The following BANP variants were observed in gnomAD, a reference collection of about 807,000 sequenced individuals.
BANP encodes the protein protein BANP.
BANP carries 11 observed loss-of-function variants against 68.1 expected under a neutral mutation model. The observed-to-expected ratio is 0.16, with a 90% CI of 0.10 to 0.27. BANP has a LOEUF of 0.27. BANP is among the 10% of genes least tolerant of loss of function. BANP has a pLI of 1.00. For missense variants in BANP, 504 were observed against 722.7 expected, an observed-to-expected ratio of 0.70 and a Z score of 3.47; for synonymous variants, 329 against 303.2, an observed-to-expected ratio of 1.09 and a Z score of -0.88.
chr16:88,012,577 C>T (rs115874304), intron 6 of BANP, among the ~76,000 whole-genome samples: 190 of 152,276 alleles, frequency 1.2e-3, no homozygotes, highest in African/African-American at 4.3e-3. Context: ...ATCTGGCATT[C>T]GTCACCTCTG....
chr16:88,040,075 C>T (rs959478430), intron 11 of BANP, among the ~76,000 whole-genome samples: 2 of 152,172 alleles, frequency 1.3e-5, no homozygotes, highest in Non-Finnish European at 2.9e-5. Context: ...AAATCAAAGA[C>T]GGCTTCAGGA....
intron 6 of BANP, among the ~76,000 whole-genome samples, chr16:88,017,994 TTGG>T (rs1263119773): frequency 6.6e-6 from 1 of 151,972 alleles, no homozygotes; most frequent in African/African-American, 2.4e-5. Flanking sequence ...TGCGTCTTTC[TTGG>T]TGGGAGTGGC....
chr16:88,037,351 C>T (rs1165230200), intron 10 of BANP: 1 of 152,418 alleles, frequency 6.6e-6, no homozygotes. Flanking sequence ...CTAACGATGG[C>T]TTTGTGATGA....
intron 4 of BANP, among the ~76,000 whole-genome samples, chr16:87,987,032 T>C (rs1424637368): frequency 6.6e-6 from 1 of 152,248 alleles, no homozygotes; most frequent in African/African-American, 2.4e-5. Flanking sequence ...GTATATTCTA[T>C]TTAAAATCCT....
chr16:87,951,687 C>G (rs1461386244), intron 1 of BANP, among the ~76,000 whole-genome samples, 172 bp downstream of exon 1: 1 of 149,006 alleles, frequency 6.7e-6, no homozygotes, highest in African/African-American at 2.4e-5. Flanking sequence ...GCCCCGCTCC[C>G]CGTCCCCGGC....
chr16:87,958,739 C>G (rs1194211175), intron 1 of BANP, among the ~76,000 whole-genome samples: 1 of 152,212 alleles, frequency 6.6e-6, no homozygotes, highest in Non-Finnish European at 1.5e-5. Context: ...CGTTAAGCCG[C>G]TTGCTTAGGG....
Position 87,989,847 on chromosome 16 carries a change from G to A in BANP, c.362+5588G>A, listed in dbSNP as rs142056820. On this transcript the variant is annotated intron_variant, in intron 4 of 13. Coordinates refer to ENST00000682872, the MANE Select transcript of BANP (RefSeq NM_001386991.1). Reference sequence around the variant, plus strand: ...GGCGGGTGATGGGGGATGCAGGCCCGCGTGGCTGCGTGCATCCAGGACACA... The same window carrying A: ...GGCGGGTGATGGGGGATGCAGGCCCACGTGGCTGCGTGCATCCAGGACACA... Among the ~76,000 whole-genome samples the A allele has an allele frequency of 2.2e-4, 25 of 113,518 alleles. 1 individual carries two copies. In the East Asian group the frequency reaches 8.6e-3, roughly 39 times the overall value. 74.5% of individuals were successfully genotyped at this position (113,518 alleles called of 152,430 possible). A position where few individuals can be genotyped will look rare whatever the true frequency, so the allele number is the denominator to read the frequency against.
At chr16:87,975,218 A>G (rs1185175311) in intron 2 of BANP, 33 bp downstream of exon 2, 1 of 1,606,930 alleles carries the variant, frequency 6.2e-7, no homozygotes, top group Admixed American at 1.7e-5. Context: ...GTGAAATATT[A>G]TTCTCTTTAT....
chr16:87,996,758 A>G (rs1045372843), intron 4 of BANP, among the ~76,000 whole-genome samples: 1 of 152,202 alleles, frequency 6.6e-6, no homozygotes, highest in East Asian at 1.9e-4. Context: ...CGTTGTCTGC[A>G]CTGAACCATT....
chr16:87,977,381 T>C (rs1482554421), intron 2 of BANP, among the ~76,000 whole-genome samples: 13 of 150,482 alleles, frequency 8.6e-5, no homozygotes, highest in Admixed American at 2.0e-4. Flanking sequence ...ATCGCGCCAC[T>C]GCACTCCAGG....
At chr16:87,981,718 C>T (rs916236427) in intron 3 of BANP, among the ~76,000 whole-genome samples, 15 of 152,230 alleles carry the variant, frequency 9.9e-5, no homozygotes, top group African/African-American at 3.4e-4. Context: ...GGCATCTTCC[C>T]ACACACCTGC....
At chr16:88,035,177 C>G in intron 9 of BANP, 146 bp from the exon 10 acceptor site, 3 of 770,568 alleles carry the variant, frequency 3.9e-6, no homozygotes, top group Non-Finnish European at 4.3e-6. Context: ...AAAGAAGTGA[C>G]CACAGACTAT....
intron 1 of BANP, among the ~76,000 whole-genome samples, chr16:87,969,402 C>G (rs902911193): frequency 6.6e-6 from 1 of 152,126 alleles, no homozygotes; most frequent in Non-Finnish European, 1.5e-5. Context: ...ACACCCCCAG[C>G]AAAAGCGCAA....
At chr16:88,015,899 T>A (rs7501293) in intron 6 of BANP, among the ~76,000 whole-genome samples, 142,459 of 152,318 alleles carry the variant, frequency 0.94, 67,378 homozygotes, top group East Asian at 1. Flanking sequence ...ATCGAGGCTG[T>A]TTCCCGCGGC....
At chr16:87,995,167 T>C (rs1279142666) in intron 4 of BANP, among the ~76,000 whole-genome samples, 2 of 152,340 alleles carry the variant, frequency 1.3e-5, no homozygotes, top group Non-Finnish European at 2.9e-5. Context: ...GGGCCGTGTG[T>C]GCGCACAATG....
chr16:88,036,361 C>T lies in BANP; in HGVS notation c.1272+967C>T, dbSNP rs547614635. ...GGGGACTCATGGAGATGTTGGCGTG[C>T]GAGGCCTCCTGGGAGCTCATGCTGG... On this transcript the variant is annotated intron_variant, in intron 10 of 13. Transcript: ENST00000682872. This position sits in a 1 kb window ranked among gnomAD's most constrained non-coding sequence, Gnocchi z 4.2. Among the ~76,000 whole-genome samples, 9 of 152,230 alleles carry T rather than the reference C, an allele frequency of 5.9e-5. No homozygotes were observed. Among genetic ancestry groups the T allele is most frequent in the South Asian group, 2.1e-4 (1 of 4,814 alleles).
rs2058280769 is a variant in BANP at position 87,957,351 on chromosome 16, G to A, written c.-69+5836G>A. 6.6e-6 allele frequency among the ~76,000 whole-genome samples: 1 copy of A among 152,196 alleles called. No individual in the cohort carries two copies. Among genetic ancestry groups the A allele is most frequent in the Non-Finnish European group, 1.5e-5 (1 of 68,034 alleles). On this transcript the variant is annotated intron_variant, in intron 1 of 13. Coordinates refer to ENST00000682872, the MANE Select transcript of BANP (RefSeq NM_001386991.1). This position sits in a 1 kb window ranked among gnomAD's most constrained non-coding sequence, Gnocchi z 4.3. Reference sequence around the variant, plus strand: ...GAGGAGGCTGCAGTGAAACACCTGAGGAAGGCTGGGCAGAATGGATCGGGG... The same window carrying A: ...GAGGAGGCTGCAGTGAAACACCTGAAGAAGGCTGGGCAGAATGGATCGGGG...
intron 1 of BANP, among the ~76,000 whole-genome samples, chr16:87,961,040 C>G (rs960093155): frequency 6.6e-6 from 1 of 152,172 alleles, no homozygotes; most frequent in African/African-American, 2.4e-5. Flanking sequence ...GCAAGAGCTG[C>G]CTAACTCGGT....
intron 11 of BANP, among the ~76,000 whole-genome samples, chr16:88,051,402 G>A (rs139482689): frequency 1.6e-3 from 245 of 151,970 alleles, no homozygotes; most frequent in African/African-American, 5.6e-3. Flanking sequence ...GGCAGGACCC[G>A]TGCCCAGCAC....
Sources: gnomAD v4.1 joint callset for allele counts (sites outside exome capture counted in the v4.1 genomes callset) on GRCh38, gnomAD v4.1.1 for gene constraint, Gnocchi (gnomAD v3.1) non-coding constraint, MANE v1.5 for transcripts, NCBI Gene and HGNC (gene_info 2026-07-23, HGNC 2026-07-21) for gene names.